RSBN1: variants seen among roughly 807,000 people sequenced by gnomAD.
RSBN1 encodes the protein round spermatid basic protein 1, also known as lysine-specific demethylase 9.
RSBN1 carries 23 observed loss-of-function variants against 74.8 expected under a neutral mutation model. That is an observed-to-expected ratio of 0.31 (90% confidence interval 0.22 to 0.44). The LOEUF is 0.44. Among genes scored for constraint, RSBN1 ranks in the 20% least tolerant of loss-of-function variants. The probability of loss-of-function intolerance (pLI) is 1.00; values close to 1 mark genes in which losing one functional copy is unlikely to be tolerated. For missense variants in RSBN1, 808 were observed against 1,020.9 expected (o/e 0.79, Z 2.84); for synonymous variants, 407 against 379.6 (o/e 1.07, Z -0.84).
rs1233876554 is a variant in RSBN1, at chr1:113,777,296, A to G, written c.1572T>C (p.Ser524=). The G allele has an allele frequency of 1.2e-6, 2 of 1,612,074 alleles. No individual in the cohort carries two copies. Among genetic ancestry groups the G allele is most frequent in the African/African-American group, 2.7e-5 (2 of 74,656 alleles). Residue 524 remains serine (S), a synonymous_variant, in exon 4 of 7, where the codon AGT becomes AGC. Transcript: ENST00000261441. The part of the protein sequence containing the change: ...SSLRLQCRSQ[S]DDGPIMWVRP... ...TTACCCACATTATAGGCCCATCATC[A>G]CTCTGGGACCTACACTGGAGTCGGA...
chr1:113,787,674 C>CAAT (rs1337128812), intron 2 of RSBN1, among the ~76,000 whole-genome samples: 1 of 152,104 alleles, frequency 6.6e-6, no homozygotes, highest in African/African-American at 2.4e-5. Flanking sequence ...TTTAACAATG[C>CAAT]AATCGCCTAC....
rs1411738080 is a variant in RSBN1, at chr1:113,797,786, G to A, written c.954C>T (p.Cys318=). 4 of 1,614,002 alleles carry A rather than the reference G, an allele frequency of 2.5e-6. No individual in the cohort carries two copies. Among genetic ancestry groups the A allele is most frequent in the Non-Finnish European group, 3.4e-6 (4 of 1,179,982 alleles). ...SFRYLKDEQL[C]RLNLGMQEYR... is the part of the protein sequence containing the mutation. The stretch of plus-strand genomic sequence containing the variant: ...ATTCTTGCATACCCAAATTTAATCG[G>A]CACAGCTGTTCATCTTTCAGATACC... The change falls in exon 2 of 7, where the codon TGC becomes TGT. Residue 318 remains cysteine (C), a synonymous_variant. Transcript: ENST00000261441.
intron 4 of RSBN1, among the ~76,000 whole-genome samples, chr1:113,772,309 C>T (rs1361200396): frequency 6.6e-6 from 1 of 151,504 alleles, no homozygotes; most frequent in Admixed American, 6.6e-5. Context: ...GCTATCATAC[C>T]AAAAAATCAA....
At chr1:113,769,780 C>T (rs1659854507) in intron 4 of RSBN1, among the ~76,000 whole-genome samples, 2 of 152,216 alleles carry the variant, frequency 1.3e-5, no homozygotes, top group African/African-American at 2.4e-5. Flanking sequence ...GCCCAACAGA[C>T]CTTGGAAAAG....
chr1:113,782,757 T>C (rs921311933), intron 2 of RSBN1, among the ~76,000 whole-genome samples: 1 of 152,350 alleles, frequency 6.6e-6, no homozygotes, highest in East Asian at 1.9e-4. Context: ...TAATTTAGAT[T>C]GACATTAACT....
At chr1:113,786,868 T>G (rs573728045) in intron 2 of RSBN1, among the ~76,000 whole-genome samples, 18 of 152,234 alleles carry the variant, frequency 1.2e-4, no homozygotes, top group Admixed American at 6.5e-4. Context: ...ATTTCTAAAT[T>G]TTCTATCTTG....
rs762029800 is a variant in RSBN1 at position 113,766,376 on chromosome 1, G to A, written c.2013C>T (p.Cys671=). 8 of 1,613,996 alleles carry A rather than the reference G, an allele frequency of 5.0e-6. No homozygotes were observed. Among genetic ancestry groups the A allele is most frequent in the Middle Eastern group, 1.6e-4 (1 of 6,062 alleles). Residue 671 remains cysteine, a synonymous_variant, in exon 7 of 7, where the codon TGC becomes TGT. Coordinates refer to ENST00000261441, the MANE Select transcript of RSBN1 (RefSeq NM_018364.5). ...EGIRYARIQL[C]DNDIYFIPRN... is the part of the protein sequence containing the mutation. ...TAGGGATGAAGTAGATATCATTGTCGCAAAGCTGAATTCTAGCATAACGAA... is the reference window on the plus strand; with the variant it reads ...TAGGGATGAAGTAGATATCATTGTCACAAAGCTGAATTCTAGCATAACGAA...
chr1:113,783,359 G>A (rs1405498216), intron 2 of RSBN1, among the ~76,000 whole-genome samples: 1 of 151,854 alleles, frequency 6.6e-6, no homozygotes, highest in East Asian at 1.9e-4. Context: ...AAATGCAAAT[G>A]TTTGTGATAC....
At chr1:113,785,856 A>C (rs1298986865) in intron 2 of RSBN1, among the ~76,000 whole-genome samples, 1 of 152,188 alleles carries the variant, frequency 6.6e-6, no homozygotes, top group African/African-American at 2.4e-5. Context: ...AATAAAGATG[A>C]GACTGGAAAA....
intron 2 of RSBN1, among the ~76,000 whole-genome samples, chr1:113,791,419 G>C (rs1390359218): frequency 6.6e-6 from 1 of 152,068 alleles, no homozygotes; most frequent in African/African-American, 2.4e-5. Context: ...CCAATACATA[G>C]AGCTTCTACA....
At chr1:113,776,002 T>C (rs142356611) in intron 4 of RSBN1, among the ~76,000 whole-genome samples, 41 of 152,362 alleles carry the variant, frequency 2.7e-4, no homozygotes, top group African/African-American at 8.9e-4. Context: ...GGCACTTATT[T>C]TGAATTGCTA....
chr1:113,788,223 T>C (rs1660297832), intron 2 of RSBN1, among the ~76,000 whole-genome samples: 1 of 151,650 alleles, frequency 6.6e-6, no homozygotes, highest in Non-Finnish European at 1.5e-5. Context: ...ATAAGAAAAT[T>C]GAGGTTGAAT....
chr1:113,786,539 G>A (rs1185885018), intron 2 of RSBN1, among the ~76,000 whole-genome samples: 1 of 152,134 alleles, frequency 6.6e-6, no homozygotes, highest in African/African-American at 2.4e-5. Context: ...CATAGCCTGG[G>A]GTAATATACT....
chr1:113,782,285 T>A (rs1660153760), intron 2 of RSBN1, among the ~76,000 whole-genome samples: 1 of 152,206 alleles, frequency 6.6e-6, no homozygotes, highest in South Asian at 2.1e-4. Context: ...TTACAGATTT[T>A]AGGTAAGTTA....
chr1:113,768,055 T>C (rs1659816829), intron 5 of RSBN1, 167 bp downstream of exon 5: 6 of 508,746 alleles, frequency 1.2e-5, no homozygotes, highest in African/African-American at 1.9e-5. Context: ...TTCGTAACAA[T>C]GTAAAGATGC....
rs766163048 is a variant in RSBN1 at position 113,793,938 on chromosome 1, A to G, written c.1377+3425T>C. Reference sequence around the variant, plus strand: ...TCACCTCAGCCTCCAAACTGCTGGGATTACAGATGTGAGACACCATGCCCA... The same window carrying G: ...TCACCTCAGCCTCCAAACTGCTGGGGTTACAGATGTGAGACACCATGCCCA... On this transcript the variant is annotated intron_variant, in intron 2 of 6. Transcript: ENST00000261441. Among the ~76,000 whole-genome samples, 66 of 152,300 alleles carry G rather than the reference A, an allele frequency of 4.3e-4. 1 individual carries two copies. Among genetic ancestry groups the G allele is most frequent in the Middle Eastern group, 6.8e-3 (2 of 294 alleles).
intron 2 of RSBN1, among the ~76,000 whole-genome samples, chr1:113,782,086 GACC>G (rs1440365977): frequency 1.3e-5 from 2 of 152,106 alleles, no homozygotes; most frequent in East Asian, 3.8e-4. Flanking sequence ...GGGAATAACA[GACC>G]AAGATTTGCC....
intron 4 of RSBN1, among the ~76,000 whole-genome samples, chr1:113,771,678 G>A (rs895895394): frequency 9.2e-5 from 14 of 151,564 alleles, no homozygotes; most frequent in African/African-American, 3.4e-4. Flanking sequence ...CGTGGTTCTG[G>A]AAGAAAGTAA....
At chr1:113,808,670 G>A (rs1558006203) in intron 1 of RSBN1, among the ~76,000 whole-genome samples, 3 of 152,162 alleles carry the variant, frequency 2.0e-5, no homozygotes, top group African/African-American at 2.4e-5. Flanking sequence ...AAAGAGGGAT[G>A]GATCTCAGGG....
Sources: allele counts gnomAD v4.1 joint callset (sites outside exome capture counted in the v4.1 genomes callset), GRCh38; gene constraint gnomAD v4.1.1; transcripts MANE v1.5; gene names NCBI Gene and HGNC (gene_info 2026-07-23, HGNC 2026-07-21).